Variants in SH3BP1 observed in about 807,000 individuals in gnomAD.
SH3BP1 encodes the protein SH3 domain binding protein 1.
SH3BP1 carries 46 observed loss-of-function variants against 69.8 expected under a neutral mutation model. That is an observed-to-expected ratio of 0.66 (90% confidence interval 0.52 to 0.84). The LOEUF (loss-of-function observed/expected upper bound fraction) is 0.84. SH3BP1 is among the 40% of genes least tolerant of loss of function. The probability of loss-of-function intolerance (pLI) is 0.00; values close to 1 mark genes in which losing one functional copy is unlikely to be tolerated. For synonymous variants in SH3BP1, 403 were observed against 378.0 expected, an observed-to-expected ratio of 1.07 and a Z score of -0.77; for missense variants, 868 against 930.9, an observed-to-expected ratio of 0.93 and a Z score of 0.88.
chr22:37,642,295 C>T, intron 3 of SH3BP1: 1 of 530,010 alleles, frequency 1.9e-6, no homozygotes, highest in Non-Finnish European at 3.4e-6. Flanking sequence ...AGGACTTGGT[C>T]ATTCCTTCCT....
chr22:37,653,663 TAGAG>T (rs1364020696), intron 16 of SH3BP1, 112 bp from the exon 17 acceptor site: 4 of 745,596 alleles, frequency 5.4e-6, no homozygotes, highest in African/African-American at 1.7e-5. Context: ...GACAGAGTGA[TAGAG>T]AGCGAGTGCT....
intron 3 of SH3BP1, chr22:37,642,311 G>A (rs1932625273): frequency 1.8e-6 from 1 of 550,574 alleles, no homozygotes; most frequent in South Asian, 2.1e-5. Context: ...TTCCTGCCCA[G>A]TCAAGTGGCT....
chr22:37,650,719 AG>A lies in SH3BP1; in HGVS notation c.1594del (p.Glu532LysfsTer126), dbSNP rs747633217. On this transcript the variant is annotated frameshift_variant, in exon 16 of 18. Coordinates refer to ENST00000649765, the MANE Select transcript of SH3BP1 (RefSeq NM_018957.6). LOFTEE classifies it high-confidence loss of function. ...PAPALASAAT[K>X]ERTESEVPPR... ...CCAGCCTTGGCTTCAGCAGCTACCA[AG>A]GAAAGGTGAGGACTGAGGGGCTTGA... The A allele has an allele frequency of 6.2e-7, 1 of 1,608,460 alleles. No homozygotes were observed. The highest frequency in any genetic ancestry group is 8.5e-7 in the Non-Finnish European group (1 of 1,176,838).
In SH3BP1 at chr22:37,643,130, A is replaced by G; in HGVS notation, c.429A>G (p.Lys143=). The change falls in exon 6 of 18, where the codon AAA becomes AAG. Residue 143 remains lysine, a synonymous_variant. Transcript: ENST00000649765. ...TGCCAGCCATCCTCAAACACAAGAAAAGCCTCCAGAAGCTCGTGTCCGACT... is the reference window on the plus strand; with the variant it reads ...TGCCAGCCATCCTCAAACACAAGAAGAGCCTCCAGAAGCTCGTGTCCGACT... The part of the protein sequence containing the change: ...EELPAILKHK[K]SLQKLVSDWN... The G allele has an allele frequency of 3.1e-6, 5 of 1,610,964 alleles. No homozygotes were observed. The highest frequency in any genetic ancestry group is 3.4e-6 in the Non-Finnish European group (4 of 1,178,772).
chr22:37,639,906 A>T, intron 1 of SH3BP1, 60 bp downstream of exon 1: 52 of 775,044 alleles, frequency 6.7e-5, no homozygotes, highest in Non-Finnish European at 9.2e-5. Flanking sequence ...GGGTCGTAAA[A>T]GGGTCGGGGG....
intron 13 of SH3BP1, among the ~76,000 whole-genome samples, chr22:37,647,787 T>G (rs1356095058): frequency 1.3e-5 from 2 of 152,104 alleles, no homozygotes; most frequent in East Asian, 3.8e-4. Flanking sequence ...GCAGTTCTCC[T>G]GCCTCAGCCT....
chr22:37,650,419 C>T, intron 15 of SH3BP1, 123 bp from the exon 16 acceptor site: 1 of 1,495,610 alleles, frequency 6.7e-7, no homozygotes, highest in African/African-American at 1.4e-5. Context: ...GTGAGGCTCA[C>T]ACGGGAGTGG....
intron 9 of SH3BP1, 58 bp downstream of exon 9, chr22:37,645,018 T>A (rs1211384913): frequency 1.4e-5 from 20 of 1,471,658 alleles, no homozygotes; most frequent in Non-Finnish European, 1.9e-5. Flanking sequence ...CGGGGCTTAT[T>A]GAGAAGCTCG....
chr22:37,653,813 C>A lies in SH3BP1; in HGVS notation c.1633C>A (p.Pro545Thr), dbSNP rs995220220. 2 of 1,613,946 alleles carry A rather than the reference C, an allele frequency of 1.2e-6. No individual in the cohort carries two copies. The highest frequency in any genetic ancestry group is 1.7e-6 in the Non-Finnish European group (2 of 1,179,958). Residue 545 changes from proline to threonine, a missense_variant, in exon 17 of 18, where the codon CCC (proline) becomes ACC (threonine). By Grantham distance (38) the Pro-to-Thr change is conservative. Transcript: ENST00000649765. ...ESEVPPRPASPKVTRSPPETA... is the reference protein window; with the variant it reads ...ESEVPPRPASTKVTRSPPETA... ...TGAGGTGCCTCCCAGACCAGCCTCCCCCAAGGTCACCAGGAGTCCCCCGGA... is the reference window on the plus strand; with the variant it reads ...TGAGGTGCCTCCCAGACCAGCCTCCACCAAGGTCACCAGGAGTCCCCCGGA...
chr22:37,649,849 T>C, intron 14 of SH3BP1: 1 of 497,474 alleles, frequency 2.0e-6, no homozygotes, highest in Non-Finnish European at 3.7e-6. Context: ...GTCATCATTA[T>C]TTACCTGGCC....
chr22:37,642,653 C>G, intron 4 of SH3BP1, 38 bp downstream of exon 4: 2 of 1,612,708 alleles, frequency 1.2e-6, no homozygotes, highest in South Asian at 2.2e-5. Flanking sequence ...CCTGGGGATA[C>G]CAAGACGTGA....
Position 37,655,646 on chromosome 22 carries a change from C to G in SH3BP1, c.2068C>G (p.Gln690Glu), listed in dbSNP as rs745529591. The G allele has an allele frequency of 1.3e-6, 2 of 1,531,480 alleles. No homozygotes were observed. The highest frequency in any genetic ancestry group is 1.8e-6 in the Non-Finnish European group (2 of 1,139,818). The allele number at this position is 1,531,480 out of a possible 1,614,324, so 94.9% of individuals were successfully genotyped here. A position where few individuals can be genotyped will look rare whatever the true frequency, so the allele number is the denominator to read the frequency against. Residue 690 changes from glutamine (Q) to glutamate (E), a missense_variant, in exon 18 of 18, where the codon CAG becomes GAG. By Grantham distance (29) the Gln-to-Glu change is conservative. This residue lies in a region of SH3BP1 where 474 missense variants were observed against 462.3 expected (regional missense o/e 1.03). Transcript: ENST00000649765. ...CCCCACTCCCCCAGCTATCCCCCCT[C>G]AGCCCCGCCCCAGGAGCCTTGCCTC... Reference protein sequence around the residue: ...GVPTPPAIPPQPRPRSLASET... With the variant: ...GVPTPPAIPPEPRPRSLASET...
chr22:37,649,783 C>G, intron 14 of SH3BP1: 1 of 305,516 alleles, frequency 3.3e-6, no homozygotes. Flanking sequence ...GACTCTGTCT[C>G]AAAAAAAAAG....
chr22:37,642,750 G>A, intron 4 of SH3BP1, 135 bp downstream of exon 4: 1 of 1,600,818 alleles, frequency 6.2e-7, no homozygotes, highest in East Asian at 2.2e-5. Context: ...CAGTGAGGGT[G>A]GCCAGGCCTG....
At chr22:37,652,519 G>A (rs145087372) in intron 16 of SH3BP1, among the ~76,000 whole-genome samples, 16 of 151,674 alleles carry the variant, frequency 1.1e-4, no homozygotes, top group African/African-American at 3.4e-4. Context: ...GCAACAGAGT[G>A]AGATCCTTTC....
intron 14 of SH3BP1, among the ~76,000 whole-genome samples, chr22:37,649,647 G>T (rs1932842096): frequency 6.6e-6 from 1 of 152,074 alleles, no homozygotes; most frequent in Non-Finnish European, 1.5e-5. Context: ...ATCTGGGCGT[G>T]GTGGTACGCG....
At position 37,655,774 on chromosome 22, in the gene SH3BP1, T is replaced by C. The variant is rs1281472404; in HGVS notation, c.*90T>C. ...AGCTCTCGCCCCCCACAAAGGGGCATGGGCCTCCAGCCTTTGCCCACAAGT... is the reference window on the plus strand; with the variant it reads ...AGCTCTCGCCCCCCACAAAGGGGCACGGGCCTCCAGCCTTTGCCCACAAGT... On this transcript the variant is annotated 3_prime_UTR_variant, in exon 18 of 18. Coordinates refer to ENST00000649765, the MANE Select transcript of SH3BP1 (RefSeq NM_018957.6). 5 of 1,445,246 alleles carry C rather than the reference T, an allele frequency of 3.5e-6. No individual in the cohort carries two copies. In the African/African-American group the frequency reaches 5.7e-5, roughly 17 times the overall value. The allele number at this position is 1,445,246 out of a possible 1,614,324, so 89.5% of individuals were successfully genotyped here.
intron 16 of SH3BP1, among the ~76,000 whole-genome samples, chr22:37,652,546 A>G (rs9619695): frequency 0.15 from 22,576 of 151,232 alleles, 2,888 homozygotes; most frequent in African/African-American, 0.35. Context: ...AGAAATGGCC[A>G]GGTGTGGTGG....
chr22:37,653,796 C>T lies in SH3BP1; in HGVS notation c.1616C>T (p.Pro539Leu). Residue 539 changes from proline (P) to leucine (L), a missense_variant, in exon 17 of 18, where the codon CCT becomes CTT. By Grantham distance (98) the Pro-to-Leu change is moderately conservative (BLOSUM62 -3). Transcript: ENST00000649765. ...CTCTGCAGGACAGAGTCTGAGGTGC[C>T]TCCCAGACCAGCCTCCCCCAAGGTC... ...ATKERTESEV[P>L]PRPASPKVTR... is the part of the protein sequence containing the mutation. The T allele has an allele frequency of 6.2e-7, 1 of 1,613,298 alleles. No homozygotes were observed. Among genetic ancestry groups the T allele is most frequent in the Non-Finnish European group, 8.5e-7 (1 of 1,179,440 alleles).
Sources: allele counts gnomAD v4.1 joint callset (sites outside exome capture counted in the v4.1 genomes callset), GRCh38; gene constraint gnomAD v4.1.1; regional missense constraint gnomAD v4.1.1; transcripts MANE v1.5; gene names NCBI Gene and HGNC (gene_info 2026-07-23, HGNC 2026-07-21).